The following OXR1 variants were observed in gnomAD, a reference collection of about 807,000 sequenced individuals.
OXR1 encodes the protein oxidation resistance 1.
A neutral mutation model predicts 104.6 loss-of-function variants in OXR1; 41 were observed. That is an observed-to-expected ratio of 0.39 (90% CI 0.31 to 0.51). The LOEUF (loss-of-function observed/expected upper bound fraction) is 0.51. OXR1 is among the 20% of genes least tolerant of loss of function. OXR1 has a pLI of 0.77. For synonymous variants in OXR1, 348 were observed against 348.4 expected, an observed-to-expected ratio of 1.00 and a Z score of 0.01; for missense variants, 955 against 1,031.9, an observed-to-expected ratio of 0.93 and a Z score of 1.02.
chr8:106,649,031 C>G (rs1824317450), intron 3 of OXR1, among the ~76,000 whole-genome samples: 1 of 152,064 alleles, frequency 6.6e-6, no homozygotes, highest in Admixed American at 6.6e-5. Flanking sequence ...ATGGCAAAAC[C>G]CTGTCTCTAC....
intron 2 of OXR1, among the ~76,000 whole-genome samples, chr8:106,467,369 G>A: frequency 6.6e-6 from 1 of 151,780 alleles, no homozygotes; most frequent in East Asian, 1.9e-4. Flanking sequence ...AAATATAGTA[G>A]TGGGATTCAT....
chr8:106,697,421 G>A, intron 7 of OXR1: 1 of 1,478,946 alleles, frequency 6.8e-7, no homozygotes, highest in Non-Finnish European at 9.4e-7. Context: ...GCCTGGGGTG[G>A]GATCAAAGGA....
chr8:106,375,712 C>A (rs568122644), intron 2 of OXR1, among the ~76,000 whole-genome samples: 20 of 152,106 alleles, frequency 1.3e-4, no homozygotes, highest in Non-Finnish European at 1.2e-4. Flanking sequence ...AGTCTGACTC[C>A]CAGCTAGGCC....
rs551324361 is a variant in OXR1, at chr8:106,379,989, T to C, written c.23+20353T>C. Reference sequence around the variant, plus strand: ...ATTTACCCATTAAAGCTAAGCAATTTAATATCTTTTGGTATATTCACAGAG... The same window carrying C: ...ATTTACCCATTAAAGCTAAGCAATTCAATATCTTTTGGTATATTCACAGAG... On this transcript the variant is annotated intron_variant, in intron 2 of 16. Transcript: ENST00000517566. 2.1e-4 allele frequency among the ~76,000 whole-genome samples: 32 copies of C among 152,320 alleles called. No individual in the cohort carries two copies. In the South Asian group the frequency reaches 6.0e-3, roughly 29 times the overall value.
intron 3 of OXR1, among the ~76,000 whole-genome samples, chr8:106,596,315 G>A (rs1456548473): frequency 6.6e-6 from 1 of 152,102 alleles, no homozygotes; most frequent in African/African-American, 2.4e-5. Context: ...GCATGGTGGT[G>A]TGTGTCTGTA....
intron 2 of OXR1, among the ~76,000 whole-genome samples, chr8:106,461,595 G>A (rs1024877934): frequency 4.6e-5 from 7 of 152,002 alleles, no homozygotes; most frequent in Non-Finnish European, 8.8e-5. Context: ...AGGAATTTTG[G>A]AGAGGAATCA....
At chr8:106,572,838 G>T (rs1001652378) in intron 3 of OXR1, among the ~76,000 whole-genome samples, 2 of 152,152 alleles carry the variant, frequency 1.3e-5, no homozygotes, top group African/African-American at 4.8e-5. Flanking sequence ...ATTTGTTACA[G>T]CAGCCCCTTC....
intron 7 of OXR1, among the ~76,000 whole-genome samples, chr8:106,699,632 T>C (rs1004828371): frequency 3.9e-5 from 6 of 152,198 alleles, no homozygotes; most frequent in Admixed American, 6.5e-5. Context: ...TCATTTGATA[T>C]CTGAATAAAA....
At chr8:106,598,487 A>G (rs1586873572) in intron 3 of OXR1, among the ~76,000 whole-genome samples, 2 of 152,164 alleles carry the variant, frequency 1.3e-5, no homozygotes, top group African/African-American at 4.8e-5. Context: ...GCAATTTCAC[A>G]GTTCTGCGAT....
At chr8:106,527,318 G>A (rs1393516252) in intron 3 of OXR1, among the ~76,000 whole-genome samples, 1 of 152,154 alleles carries the variant, frequency 6.6e-6, no homozygotes, top group Admixed American at 6.5e-5. Context: ...GAGCTTATAT[G>A]AAACAAGCCT....
At chr8:106,335,729 G>GT (rs1454034927) in intron 1 of OXR1, among the ~76,000 whole-genome samples, 2 of 152,100 alleles carry the variant, frequency 1.3e-5, no homozygotes, top group Admixed American at 6.5e-5. Flanking sequence ...TCAGGGTTTT[G>GT]TTTTTATTTT....
intron 7 of OXR1, among the ~76,000 whole-genome samples, chr8:106,700,686 G>A (rs1830510732): frequency 6.6e-6 from 1 of 152,136 alleles, no homozygotes; most frequent in Non-Finnish European, 1.5e-5. Context: ...AGAATTAAAA[G>A]CATTATCAGT....
chr8:106,339,926 C>A lies in OXR1; in HGVS notation c.-138-19550C>A, dbSNP rs185208289. On this transcript the variant is annotated intron_variant, in intron 1 of 16. Coordinates refer to ENST00000517566, the MANE Select transcript of OXR1 (RefSeq NM_001198533.2). ...AATGTAGTAAGCAATATAAATATTA[C>A]TGTATATAAATGTGAATCAATAAAT... 1.1e-4 allele frequency among the ~76,000 whole-genome samples: 17 copies of A among 152,056 alleles called. No homozygotes were observed. The East Asian group carries it at 2.3e-3, about 21-fold the overall frequency.
intron 3 of OXR1, among the ~76,000 whole-genome samples, chr8:106,672,037 T>C (rs1055906735): frequency 6.7e-6 from 1 of 149,676 alleles, no homozygotes; most frequent in African/African-American, 2.4e-5. Flanking sequence ...ATTCAGACTT[T>C]TTATCTCTGG....
intron 2 of OXR1, among the ~76,000 whole-genome samples, chr8:106,478,879 A>G (rs1322070600): frequency 6.6e-6 from 1 of 151,928 alleles, no homozygotes; most frequent in Non-Finnish European, 1.5e-5. Flanking sequence ...GTATATACGT[A>G]TATGTGATTG....
intron 7 of OXR1, among the ~76,000 whole-genome samples, chr8:106,694,478 TATATATTTG>T (rs2131304477): frequency 8.6e-6 from 1 of 116,308 alleles, no homozygotes; most frequent in African/African-American, 4.2e-5. Flanking sequence ...TATATTTATA[TATATATTTG>T]ATATATAAAT....
At position 106,497,514 on chromosome 8, in the gene OXR1, T is replaced by G. The variant is rs539296276; in HGVS notation, c.24-21429T>G. ...CCACGTAGTGATGAGAAAGTAGTCATAGTAAAAATTGAAATAATACAGTCT... is the reference window on the plus strand; with the variant it reads ...CCACGTAGTGATGAGAAAGTAGTCAGAGTAAAAATTGAAATAATACAGTCT... On this transcript the variant is annotated intron_variant, in intron 2 of 16. Transcript: ENST00000517566. 3.9e-5 allele frequency among the ~76,000 whole-genome samples: 6 copies of G among 152,312 alleles called. No homozygotes were observed. The East Asian group carries it at 1.2e-3, about 29-fold the overall frequency.
chr8:106,649,267 G>T (rs1003846868), intron 3 of OXR1, among the ~76,000 whole-genome samples: 3 of 148,046 alleles, frequency 2.0e-5, no homozygotes, highest in African/African-American at 5.0e-5. Context: ...ATTTGTGTGG[G>T]TTTTTTTTTT....
intron 2 of OXR1, among the ~76,000 whole-genome samples, chr8:106,374,649 A>G (rs1047484272): frequency 2.6e-5 from 4 of 152,216 alleles, no homozygotes; most frequent in Non-Finnish European, 5.9e-5. Flanking sequence ...CCTTTGATCT[A>G]GGTCTGTTTA....
Sources: allele counts gnomAD v4.1 joint callset (sites outside exome capture counted in the v4.1 genomes callset), GRCh38; gene constraint gnomAD v4.1.1; transcripts MANE v1.5; gene names NCBI Gene and HGNC (gene_info 2026-07-23, HGNC 2026-07-21).